Variants in SPIDR observed in about 807,000 individuals in gnomAD.
SPIDR encodes the protein DNA repair-scaffolding protein.
A neutral mutation model predicts 104.6 loss-of-function variants in SPIDR; 93 were observed. That is an observed-to-expected ratio of 0.89 (90% CI 0.75 to 1.06). The LOEUF (loss-of-function observed/expected upper bound fraction) is 1.06, where lower values mean the gene tolerates loss of function less well. SPIDR is among the 50% of genes least tolerant of loss of function. The probability of loss-of-function intolerance (pLI) is 0.00; values close to 1 mark genes in which losing one functional copy is unlikely to be tolerated. For missense variants in SPIDR, 1,154 were observed against 1,111.2 expected, an observed-to-expected ratio of 1.04 and a Z score of -0.55; for synonymous variants, 431 against 416.9, an observed-to-expected ratio of 1.03 and a Z score of -0.41.
intron 8 of SPIDR, among the ~76,000 whole-genome samples, chr8:47,531,859 T>C (rs1286480299): frequency 1.3e-5 from 2 of 152,060 alleles, no homozygotes; most frequent in African/African-American, 2.4e-5. Context: ...ACAAAAATTA[T>C]TACATTAAGA....
At chr8:47,524,338 G>T (rs368479694) in intron 8 of SPIDR, among the ~76,000 whole-genome samples, 1 of 152,176 alleles carries the variant, frequency 6.6e-6, no homozygotes, top group South Asian at 2.1e-4. Flanking sequence ...CCTGTGCTTC[G>T]TCATTTCTCA....
In SPIDR at chr8:47,485,966, G is replaced by C. The variant is rs1303928230; in HGVS notation, c.1097+45424G>C. ...GCCTGTCCCCCTCTAAAGGAATGCA[G>C]CTCCTCGCCAGCAACGGAACAAAGC... is the stretch of plus-strand genomic sequence containing the variant. On this transcript the variant is annotated intron_variant, in intron 8 of 19. Transcript: ENST00000297423. 2.0e-5 allele frequency among the ~76,000 whole-genome samples: 3 copies of C among 152,328 alleles called. No individual in the cohort carries two copies. The East Asian group carries it at 5.8e-4, about 29-fold the overall frequency.
At chr8:47,272,555 C>A (rs2035546347) in intron 1 of SPIDR, among the ~76,000 whole-genome samples, 1 of 152,166 alleles carries the variant, frequency 6.6e-6, no homozygotes, top group Admixed American at 6.5e-5. Context: ...CGGAGGGACT[C>A]TGTTGAGACA....
intron 12 of SPIDR, 115 bp from the exon 13 acceptor site, chr8:47,701,606 G>C: frequency 1.0e-6 from 1 of 982,530 alleles, no homozygotes; most frequent in South Asian, 1.6e-5. Context: ...ATTCCAGAGA[G>C]AGGATGCACC....
At chr8:47,670,205 T>C (rs992772184) in intron 10 of SPIDR, among the ~76,000 whole-genome samples, 1 of 152,076 alleles carries the variant, frequency 6.6e-6, no homozygotes, top group African/African-American at 2.4e-5. Flanking sequence ...TCCCCAAGGC[T>C]TGGCCTGGAC....
intron 8 of SPIDR, among the ~76,000 whole-genome samples, chr8:47,588,583 A>T (rs2060584303): frequency 1.3e-5 from 2 of 152,088 alleles, no homozygotes. Context: ...TTATTGCACT[A>T]GCTAGAACTT....
At chr8:47,553,899 T>C (rs886226659) in intron 8 of SPIDR, among the ~76,000 whole-genome samples, 5 of 152,190 alleles carry the variant, frequency 3.3e-5, no homozygotes, top group African/African-American at 1.2e-4. Flanking sequence ...ACTTTGGTCT[T>C]TGATGATGGT....
At chr8:47,511,652 A>T in intron 8 of SPIDR, 1 of 807,584 alleles carries the variant, frequency 1.2e-6, no homozygotes. Context: ...ACATAAGCAG[A>T]CTCTTCCTCT....
intron 6 of SPIDR, among the ~76,000 whole-genome samples, chr8:47,402,600 TA>T (rs1209372457): frequency 6.6e-6 from 1 of 152,138 alleles, no homozygotes; most frequent in Non-Finnish European, 1.5e-5. Flanking sequence ...CTAGAAAATC[TA>T]GAAGAAATGG....
intron 1 of SPIDR, among the ~76,000 whole-genome samples, chr8:47,263,614 C>T (rs760991302): frequency 2.0e-5 from 3 of 152,202 alleles, no homozygotes; most frequent in Non-Finnish European, 1.5e-5. Flanking sequence ...CCACTGCGCC[C>T]GGCCATGAAA....
intron 5 of SPIDR, among the ~76,000 whole-genome samples, chr8:47,349,483 G>T (rs1330626394): frequency 6.6e-6 from 1 of 152,204 alleles, no homozygotes; most frequent in Non-Finnish European, 1.5e-5. Flanking sequence ...CATTCTAGGA[G>T]AACCACTGCT....
At chr8:47,704,156 TG>T (rs1337900752) in intron 14 of SPIDR, among the ~76,000 whole-genome samples, 1 of 152,232 alleles carries the variant, frequency 6.6e-6, no homozygotes, top group Non-Finnish European at 1.5e-5. Flanking sequence ...AGCTAGTGCT[TG>T]CCAGCACATA....
At chr8:47,729,283 G>A (rs2084819184) in intron 18 of SPIDR, 129 bp from the exon 19 acceptor site, 1 of 1,442,746 alleles carries the variant, frequency 6.9e-7, no homozygotes, top group Admixed American at 2.1e-5. Flanking sequence ...TTGACCTAAG[G>A]CCGTGAGACT....
chr8:47,421,907 C>T (rs984485123), intron 7 of SPIDR, among the ~76,000 whole-genome samples: 3 of 152,180 alleles, frequency 2.0e-5, no homozygotes, highest in East Asian at 1.9e-4. Flanking sequence ...GTATCAGCAG[C>T]GGAGGCTGCA....
chr8:47,615,618 G>A (rs139777914), intron 10 of SPIDR, among the ~76,000 whole-genome samples: 30 of 151,876 alleles, frequency 2.0e-4, no homozygotes, highest in African/African-American at 6.8e-4. Context: ...GAATACAGGT[G>A]CACACACTGT....
intron 7 of SPIDR, among the ~76,000 whole-genome samples, chr8:47,411,770 G>A (rs1275800295): frequency 1.3e-5 from 2 of 152,098 alleles, no homozygotes; most frequent in African/African-American, 4.8e-5. Context: ...TTTTCTTCTA[G>A]GGTTTTTATG....
intron 8 of SPIDR, among the ~76,000 whole-genome samples, chr8:47,503,816 T>G (rs866197904): frequency 6.6e-6 from 1 of 152,206 alleles, no homozygotes; most frequent in South Asian, 2.1e-4. Context: ...AGGAGCTCTT[T>G]TAGGGCAGGC....
intron 8 of SPIDR, among the ~76,000 whole-genome samples, chr8:47,548,481 C>G (rs904742991): frequency 2.0e-5 from 3 of 152,198 alleles, no homozygotes; most frequent in Non-Finnish European, 4.4e-5. Context: ...AACCCTGTCT[C>G]TACTAAAAAT....
intron 10 of SPIDR, among the ~76,000 whole-genome samples, chr8:47,603,973 A>G (rs1273669402): frequency 6.6e-6 from 1 of 152,218 alleles, no homozygotes; most frequent in Non-Finnish European, 1.5e-5. Flanking sequence ...ACTAAGGGAA[A>G]AAAAAATCCA....
Sources: allele counts gnomAD v4.1 joint callset (sites outside exome capture counted in the v4.1 genomes callset), GRCh38; gene constraint gnomAD v4.1.1; transcripts MANE v1.5; gene names NCBI Gene and HGNC (gene_info 2026-07-23, HGNC 2026-07-21).